Variants in XYLB observed in about 807,000 individuals in gnomAD.
XYLB encodes the protein xylulokinase, also known as xylulose kinase.
A neutral mutation model predicts 78.7 loss-of-function variants in XYLB; 62 were observed. The ratio of observed to expected loss-of-function variants is 0.79; its 90% CI spans 0.64 to 0.97. The LOEUF is 0.97. XYLB is among the 50% of genes least tolerant of loss of function. The probability of loss-of-function intolerance (pLI) is 0.00; values close to 1 mark genes in which losing one functional copy is unlikely to be tolerated. For synonymous variants in XYLB, 245 were observed against 247.4 expected (o/e 0.99, Z 0.09); for missense variants, 687 against 676.8 (o/e 1.02, Z -0.17).
Position 38,346,787 on chromosome 3 carries a change from C to T in XYLB, c.-82C>T. The T allele has an allele frequency of 7.2e-7, 1 of 1,393,976 alleles. No individual in the cohort carries two copies. Among genetic ancestry groups the T allele is most frequent in the Non-Finnish European group, 9.4e-7 (1 of 1,062,074 alleles). 86.4% of individuals were successfully genotyped at this position (1,393,976 alleles called of 1,614,324 possible). On this transcript the variant is annotated 5_prime_UTR_variant, in exon 1 of 19. Coordinates refer to ENST00000207870, the MANE Select transcript of XYLB (RefSeq NM_005108.4). ...CGGAGCTAGGGGCGGGCCCCTGCGT[C>T]TCTGGGCGCTGGAGCGCGGCGACTA...
At chr3:38,425,967 A>G (rs1360571442), downstream of XYLB, among the ~76,000 whole-genome samples, 1 of 152,232 alleles carries the variant, frequency 6.6e-6, no homozygotes, top group African/African-American at 2.4e-5. Flanking sequence ...AAGAAGGAGT[A>G]TGGATACCTG....
chr3:38,349,596 C>T (rs1456201852), intron 2 of XYLB, among the ~76,000 whole-genome samples: 2 of 152,164 alleles, frequency 1.3e-5, no homozygotes, highest in African/African-American at 4.8e-5. Context: ...TCTGGCTGTC[C>T]TTCAGAGTGG....
chr3:38,389,340 ACTT>A (rs1217972709), intron 15 of XYLB, among the ~76,000 whole-genome samples: 3 of 151,204 alleles, frequency 2.0e-5, no homozygotes, highest in Admixed American at 2.0e-4. Flanking sequence ...TCCCATGTCT[ACTT>A]CTTTCTACAC....
chr3:38,409,337 T>C (rs1363349341), intron 18 of XYLB, among the ~76,000 whole-genome samples: 2 of 151,786 alleles, frequency 1.3e-5, no homozygotes, highest in African/African-American at 2.4e-5. Flanking sequence ...AATTCAACAA[T>C]GCTTCATGCT....
chr3:38,420,165 AT>A (rs1267474554), exon 18 of XYLB, among the ~76,000 whole-genome samples: 1 of 152,156 alleles, frequency 6.6e-6, no homozygotes, highest in Non-Finnish European at 1.5e-5. Context: ...ACTTTATTAA[AT>A]TCACTTACTA....
Position 38,381,850 on chromosome 3 carries a change from C to T in XYLB, c.1291+2508C>T, listed in dbSNP as rs61139853. 8.5e-5 allele frequency among the ~76,000 whole-genome samples: 13 copies of T among 152,312 alleles called. 1 individual carries two copies. Among genetic ancestry groups the T allele is most frequent in the Admixed American group, 4.6e-4 (7 of 15,292 alleles). On this transcript the variant is annotated intron_variant, in intron 15 of 18. Transcript: ENST00000207870. ...TTCATTAGCAATTTTAATTTCACCT[C>T]GGTCCTGTGGTCCTGTGATCTCACC...
At chr3:38,358,358 T>TGTGTGTGTGTGTGTG (rs1575460495) in intron 2 of XYLB, among the ~76,000 whole-genome samples, 1 of 19,216 alleles carries the variant, frequency 5.2e-5, no homozygotes, top group East Asian at 2.0e-3. Context: ...TGTGTGTGTG[T>TGTGTGTGTGTGTGTG]TTGAGACAGA....
the XYLB span, among the ~76,000 whole-genome samples, chr3:38,443,412 C>T: frequency 6.6e-6 from 1 of 152,152 alleles, no homozygotes; most frequent in Non-Finnish European, 1.5e-5. Flanking sequence ...GAGGGGGAAG[C>T]TTGTTTCTCA....
intron 4 of XYLB, among the ~76,000 whole-genome samples, chr3:38,363,407 A>G (rs1706080844): frequency 6.7e-6 from 1 of 148,614 alleles, no homozygotes; most frequent in Admixed American, 6.8e-5. Flanking sequence ...TAGTTTCAGT[A>G]GAAGGAAGAG....
At chr3:38,445,920 T>G in the XYLB span, among the ~76,000 whole-genome samples, 1 of 152,180 alleles carries the variant, frequency 6.6e-6, no homozygotes, top group East Asian at 1.9e-4. Context: ...AGTCCCTTCT[T>G]GGTCACCAAG....
the XYLB span, among the ~76,000 whole-genome samples, chr3:38,443,831 G>C: frequency 6.6e-6 from 1 of 152,178 alleles, no homozygotes; most frequent in Non-Finnish European, 1.5e-5. Flanking sequence ...TCCTTTCCTT[G>C]AGTTATGGTG....
intron 15 of XYLB, among the ~76,000 whole-genome samples, chr3:38,390,381 G>T (rs56960324): frequency 0.041 from 6,305 of 151,940 alleles, 260 homozygotes; most frequent in African/African-American, 0.11. Context: ...ACCTGGCTAA[G>T]TTTTGTATTT....
At chr3:38,406,478 C>T (rs2125668192) in intron 18 of XYLB, among the ~76,000 whole-genome samples, 3 of 152,348 alleles carry the variant, frequency 2.0e-5, no homozygotes, top group Middle Eastern at 3.4e-3. Flanking sequence ...AAGCAGAGCG[C>T]CTCTCCTCCT....
the XYLB span, among the ~76,000 whole-genome samples, chr3:38,434,316 C>T: frequency 6.6e-6 from 1 of 152,158 alleles, no homozygotes; most frequent in Non-Finnish European, 1.5e-5. Context: ...TTCCTAAAAA[C>T]AGCAGGAGAA....
chr3:38,353,637 T>C (rs1705486526), intron 2 of XYLB, among the ~76,000 whole-genome samples: 2 of 151,960 alleles, frequency 1.3e-5, no homozygotes, highest in African/African-American at 4.8e-5. Context: ...AAGCCCATCT[T>C]TACCTTTAAG....
the XYLB span, among the ~76,000 whole-genome samples, chr3:38,446,944 C>G: frequency 6.6e-6 from 1 of 152,164 alleles, no homozygotes. Flanking sequence ...TAAAAGGCTT[C>G]TGCAAAGCAA....
At chr3:38,347,258 G>A (rs1466308304) in intron 1 of XYLB, among the ~76,000 whole-genome samples, 1 of 152,266 alleles carries the variant, frequency 6.6e-6, no homozygotes, top group African/African-American at 2.4e-5. Flanking sequence ...GCTGTTCTGG[G>A]CACCCAGTGA....
chr3:38,426,931 G>A, the XYLB span, among the ~76,000 whole-genome samples: 1 of 152,152 alleles, frequency 6.6e-6, no homozygotes, highest in Admixed American at 6.5e-5. Flanking sequence ...GCAAAAAACT[G>A]CTCAAACCAC....
intron 18 of XYLB, among the ~76,000 whole-genome samples, chr3:38,405,371 TAAAAAAA>T (rs1192762406): frequency 2.1e-5 from 2 of 94,662 alleles, no homozygotes; most frequent in Non-Finnish European, 4.3e-5. Context: ...CTCATCTCTT[TAAAAAAA>T]AAAAAAAAAA....
Sources: allele counts gnomAD v4.1 joint callset (sites outside exome capture counted in the v4.1 genomes callset), GRCh38; gene constraint gnomAD v4.1.1; transcripts MANE v1.5; gene names NCBI Gene and HGNC (gene_info 2026-07-23, HGNC 2026-07-21).